Variants in ZKSCAN5 observed in about 807,000 individuals in gnomAD.
ZKSCAN5 encodes the protein zinc finger with KRAB and SCAN domains 5, also known as zinc finger protein with KRAB and SCAN domains 5.
In ZKSCAN5, 28 loss-of-function variants were observed where a neutral mutation model predicts 60.0. The observed-to-expected ratio is 0.47, with a 90% confidence interval of 0.35 to 0.64. The LOEUF (loss-of-function observed/expected upper bound fraction) is 0.64, where lower values mean the gene tolerates loss of function less well. Among genes scored for constraint, ZKSCAN5 ranks in the 30% least tolerant of loss-of-function variants. The pLI is 0.01. For synonymous variants in ZKSCAN5, 361 were observed against 371.2 expected (o/e 0.97, Z 0.31); for missense variants, 881 against 1,034.6 (o/e 0.85, Z 2.04).
intron 2 of ZKSCAN5, among the ~76,000 whole-genome samples, chr7:99,508,288 A>G (rs1800857618): frequency 6.7e-6 from 1 of 150,350 alleles, no homozygotes; most frequent in Non-Finnish European, 1.5e-5. Context: ...ACAGAGCGAG[A>G]CTCCATCTCA....
chr7:99,533,075 A>C lies in ZKSCAN5; in HGVS notation c.*826A>C. Reference sequence around the variant, plus strand: ...GACTGTTTGATCTTGTATTACCCACAGGAATGAGGGCAGCTAAACCCATAG... The same window carrying C: ...GACTGTTTGATCTTGTATTACCCACCGGAATGAGGGCAGCTAAACCCATAG... On this transcript the variant is annotated 3_prime_UTR_variant, in exon 7 of 7. Coordinates refer to ENST00000326775, the MANE Select transcript of ZKSCAN5 (RefSeq NM_145102.4). The C allele has an allele frequency of 3.3e-6, 1 of 304,896 alleles. No homozygotes were observed. The highest frequency in any genetic ancestry group is 7.0e-6 in the Non-Finnish European group (1 of 142,870). The allele number at this position is 304,896 out of a possible 1,614,324, so 18.9% of individuals were successfully genotyped here.
intron 2 of ZKSCAN5, among the ~76,000 whole-genome samples, chr7:99,506,999 G>A (rs887142249): frequency 6.6e-5 from 10 of 151,966 alleles, no homozygotes; most frequent in Non-Finnish European, 1.2e-4. Flanking sequence ...CCCGGCCACT[G>A]TATTTATTTT....
rs1802025122 is a variant in ZKSCAN5 at position 99,531,201 on chromosome 7, A to G, written c.1472A>G (p.Gln491Arg). ...GACATGGAACTATCTGGAAAAACCC[A>G]AAGAAATGTTTCTCAAGTTCAAGAT... is the stretch of plus-strand genomic sequence containing the variant. ...EADMELSGKT[Q>R]RNVSQVQDFG... is the part of the protein sequence containing the mutation. The change falls in exon 7 of 7, where the codon CAA (glutamine) becomes CGA (arginine). Residue 491 changes from glutamine (Q) to arginine (R), a missense_variant. By Grantham distance (43) the Gln-to-Arg change is conservative (BLOSUM62 1). Transcript: ENST00000326775. The G allele has an allele frequency of 1.2e-6, 2 of 1,614,180 alleles. No individual in the cohort carries two copies. The highest frequency in any genetic ancestry group is 1.7e-6 in the Non-Finnish European group (2 of 1,180,044).
chr7:99,520,035 TCTGCCTAGTC>T, intron 4 of ZKSCAN5, 124 bp from the exon 5 acceptor site: 1 of 1,493,334 alleles, frequency 6.7e-7, no homozygotes. Flanking sequence ...CTTTTTCCTT[TCTGCCTAGTC>T]CTTCCCCATC....
intron 1 of ZKSCAN5, chr7:99,505,364 G>C (rs1049386115): frequency 1.3e-5 from 2 of 152,078 alleles, no homozygotes; most frequent in African/African-American, 4.8e-5. Flanking sequence ...GATGTTCCAG[G>C]AGAGCTCCCC....
At position 99,519,898 on chromosome 7, in the gene ZKSCAN5, A is replaced by G. The variant is rs138517398; in HGVS notation, c.625A>G (p.Thr209Ala). Residue 209 changes from threonine to alanine, a missense_variant, in exon 4 of 7, where the codon ACT becomes GCT. By Grantham distance (58) the Thr-to-Ala change is moderately conservative. Around this residue, in one of 5 missense-constraint regions of ZKSCAN5, gnomAD observed 490 missense variants for 554.5 expected, o/e 0.88. Transcript: ENST00000326775. ...SQELTASLLSTGSQKLVKIEE... is the reference protein window; with the variant it reads ...SQELTASLLSAGSQKLVKIEE... ...GGAGCTGACAGCTTCACTTCTCTCA[A>G]CTGGGTCCCAGGTGAGCTGGTGCCC... 5 of 1,613,860 alleles carry G rather than the reference A, an allele frequency of 3.1e-6. No homozygotes were observed. In the East Asian group the frequency reaches 8.9e-5, roughly 29 times the overall value.
At chr7:99,520,387 G>T in intron 5 of ZKSCAN5, 83 bp downstream of exon 5, 3 of 1,446,544 alleles carry the variant, frequency 2.1e-6, no homozygotes, top group South Asian at 1.5e-5. Context: ...TCTTATAATG[G>T]CATTTATGTT....
intron 3 of ZKSCAN5, among the ~76,000 whole-genome samples, chr7:99,518,018 T>G (rs1801342567): frequency 6.6e-6 from 1 of 152,172 alleles, no homozygotes; most frequent in Non-Finnish European, 1.5e-5. Flanking sequence ...TTAATACATA[T>G]TTCTTGACTG....
Position 99,506,090 on chromosome 7 carries a change from G to T in ZKSCAN5, c.46G>T (p.Ala16Ser). 1 of 1,614,156 alleles carries T rather than the reference G, an allele frequency of 6.2e-7. No homozygotes were observed. The highest frequency in any genetic ancestry group is 8.5e-7 in the Non-Finnish European group (1 of 1,180,032). ...AGAAGTTATAGACTTAGACCCCCCA[G>T]CTGAGACTTCCCAGGAGCAGGAAGA... ...SREVIDLDPPAETSQEQEDLF... is the reference protein window; with the variant it reads ...SREVIDLDPPSETSQEQEDLF... Residue 16 changes from alanine (A) to serine (S), a missense_variant, in exon 2 of 7, where the codon GCT (alanine) becomes TCT (serine). By Grantham distance (99) the Ala-to-Ser change is moderately conservative (BLOSUM62 1). Coordinates refer to ENST00000326775, the MANE Select transcript of ZKSCAN5 (RefSeq NM_145102.4).
At chr7:99,520,902 C>G (rs558939133) in intron 5 of ZKSCAN5, among the ~76,000 whole-genome samples, 59 of 152,170 alleles carry the variant, frequency 3.9e-4, no homozygotes, top group African/African-American at 1.4e-3. Context: ...TGGAGGACTT[C>G]ATTACCATTC....
At chr7:99,505,662 C>G (rs115019038) in intron 1 of ZKSCAN5, 1,971 of 171,796 alleles carry the variant, frequency 0.011, 38 homozygotes, top group African/African-American at 0.044. Flanking sequence ...GAAAGAGCGG[C>G]TGCGTCTGGA....
chr7:99,522,931 G>C (rs1379296651), intron 5 of ZKSCAN5, among the ~76,000 whole-genome samples: 2 of 150,846 alleles, frequency 1.3e-5, no homozygotes, highest in African/African-American at 2.4e-5. Context: ...TTGGGAGGCT[G>C]AGGTGGGCAG....
chr7:99,526,332 G>C lies in ZKSCAN5; in HGVS notation c.1292G>C (p.Gly431Ala), dbSNP rs775151553. The C allele has an allele frequency of 1.9e-6, 3 of 1,609,462 alleles. No individual in the cohort carries two copies. The highest frequency in any genetic ancestry group is 2.5e-6 in the Non-Finnish European group (3 of 1,180,016). The change falls in exon 6 of 7, where the codon GGC becomes GCC. Residue 431 changes from glycine to alanine, a missense_variant. This residue lies in a region of ZKSCAN5 where 490 missense variants were observed against 554.5 expected (regional missense o/e 0.88). Coordinates refer to ENST00000326775, the MANE Select transcript of ZKSCAN5 (RefSeq NM_145102.4). The stretch of plus-strand genomic sequence containing the variant: ...GTCCACAGCGGAGAGAGGCCCTATG[G>C]CTGCAATGAGTGTGGGAAGAACTTC... ...HSVHSGERPY[G>A]CNECGKNFGR...
At chr7:99,522,646 C>A (rs1801588951) in intron 5 of ZKSCAN5, among the ~76,000 whole-genome samples, 1 of 151,618 alleles carries the variant, frequency 6.6e-6, no homozygotes, top group African/African-American at 2.4e-5. Flanking sequence ...TCCACCACAG[C>A]CGCCTAATTT....
At chr7:99,513,389 T>C (rs961598125) in intron 3 of ZKSCAN5, among the ~76,000 whole-genome samples, 4 of 152,148 alleles carry the variant, frequency 2.6e-5, no homozygotes, top group Admixed American at 2.6e-4. Flanking sequence ...CTTTCTGTCA[T>C]AGATTGTCTT....
intron 2 of ZKSCAN5, among the ~76,000 whole-genome samples, chr7:99,507,180 C>T (rs754463686): frequency 8.5e-5 from 13 of 152,064 alleles, no homozygotes; most frequent in Non-Finnish European, 1.5e-4. Context: ...TTTGGAAAAA[C>T]GCAAATGTCT....
rs559098505 is a variant in ZKSCAN5, at chr7:99,521,952, G to T, written c.772+1648G>T. Among the ~76,000 whole-genome samples, 40 of 152,040 alleles carry T rather than the reference G, an allele frequency of 2.6e-4. No homozygotes were observed. In the East Asian group the frequency reaches 7.5e-3, roughly 29 times the overall value. On this transcript the variant is annotated intron_variant, in intron 5 of 6. Transcript: ENST00000326775. ...TGTTACTCTTGCTTTATCTTTTTCA[G>T]TTACTTTATAGGTACCTAATGGATT...
At chr7:99,512,659 C>G in intron 3 of ZKSCAN5, 68 bp downstream of exon 3, 2 of 1,551,522 alleles carry the variant, frequency 1.3e-6, no homozygotes, top group Non-Finnish European at 1.7e-6. Flanking sequence ...GTGGCAGGCA[C>G]TATCTGCGGG....
At chr7:99,531,035 C>T (rs1242789754) in intron 6 of ZKSCAN5, 73 bp from the exon 7 acceptor site, 36 of 1,366,642 alleles carry the variant, frequency 2.6e-5, no homozygotes, top group South Asian at 1.1e-4. Context: ...CTAGCCTGGG[C>T]GACAGAGCAA....
Sources: allele counts gnomAD v4.1 joint callset (sites outside exome capture counted in the v4.1 genomes callset), GRCh38; gene constraint gnomAD v4.1.1; regional missense constraint gnomAD v4.1.1; transcripts MANE v1.5; gene names NCBI Gene and HGNC (gene_info 2026-07-23, HGNC 2026-07-21).